NHERF1: variants seen among roughly 807,000 people sequenced by gnomAD.
NHERF1 encodes the protein Na(+)/H(+) exchange regulatory cofactor NHE-RF1.
chr17:74,767,342 C>G, the NHERF1 span, among the ~76,000 whole-genome samples: 1 of 152,194 alleles, frequency 6.6e-6, no homozygotes, highest in African/African-American at 2.4e-5. Context: ...GTTGGAAGAA[C>G]AAAGCCCCTC....
chr17:74,765,301 C>T, the NHERF1 span, among the ~76,000 whole-genome samples: 19 of 152,168 alleles, frequency 1.2e-4, 1 homozygote, highest in African/African-American at 4.6e-4. Flanking sequence ...TGCTCTGTCA[C>T]CCAGGCTGGA....
At chr17:74,760,121 C>T in the NHERF1 span, among the ~76,000 whole-genome samples, 1 of 152,138 alleles carries the variant, frequency 6.6e-6, no homozygotes, top group African/African-American at 2.4e-5. This position sits in a 1 kb window ranked among gnomAD's most constrained non-coding sequence, Gnocchi z 4.5. Context: ...CTAGGCGGCC[C>T]GGGGGAGGGC....
chr17:74,766,752 TA>T, the NHERF1 span, among the ~76,000 whole-genome samples: 14 of 151,386 alleles, frequency 9.2e-5, no homozygotes, highest in South Asian at 4.2e-4. Context: ...CCCATCTCTA[TA>T]AAAAAAAAAT....
the NHERF1 span, chr17:74,768,770 T>C: frequency 1.2e-6 from 1 of 851,058 alleles, no homozygotes; most frequent in Middle Eastern, 2.3e-4. Context: ...CCACATCCCC[T>C]TTCTTGACAA....
At chr17:74,754,168 TAAAA>T in the NHERF1 span, among the ~76,000 whole-genome samples, 1 of 145,296 alleles carries the variant, frequency 6.9e-6, no homozygotes, top group Non-Finnish European at 1.5e-5. Context: ...ATCTCCAAAA[TAAAA>T]AAAAAAGAAA....
At chr17:74,754,438 T>G in the NHERF1 span, among the ~76,000 whole-genome samples, 1 of 147,048 alleles carries the variant, frequency 6.8e-6, no homozygotes, top group South Asian at 2.2e-4. Context: ...AGTCTTGCTC[T>G]GTTGCCCAGG....
chr17:74,763,199 C>T, the NHERF1 span: 13 of 610,264 alleles, frequency 2.1e-5, no homozygotes, highest in Non-Finnish European at 3.7e-5. Context: ...GGAGGACCCC[C>T]AGCCTAGTTC....
At chr17:74,768,081 T>C in the NHERF1 span, 3 of 1,099,514 alleles carry the variant, frequency 2.7e-6, no homozygotes, top group Non-Finnish European at 4.2e-6. Flanking sequence ...CCCCAGGAGC[T>C]CCCTCCCTCC....
the NHERF1 span, chr17:74,768,129 C>T: frequency 6.3e-7 from 1 of 1,576,588 alleles, no homozygotes; most frequent in South Asian, 1.1e-5. Flanking sequence ...CAACCCACAA[C>T]CCTCTCCTCT....
chr17:74,763,561 C>T, the NHERF1 span: 12 of 1,554,350 alleles, frequency 7.7e-6, no homozygotes, highest in Non-Finnish European at 1.0e-5. Flanking sequence ...GGGCTGGAGC[C>T]CCCCAAGTCA....
At chr17:74,758,889 TC>T in the NHERF1 span, among the ~76,000 whole-genome samples, 2 of 152,040 alleles carry the variant, frequency 1.3e-5, no homozygotes, top group South Asian at 4.1e-4. This position sits in a 1 kb window ranked among gnomAD's most constrained non-coding sequence, Gnocchi z 4.3. Flanking sequence ...GCCCCACAGA[TC>T]CCCAGGGGGG....
chr17:74,751,564 G>T, the NHERF1 span, among the ~76,000 whole-genome samples: 1 of 152,252 alleles, frequency 6.6e-6, no homozygotes, highest in African/African-American at 2.4e-5. This position sits in a 1 kb window ranked among gnomAD's most constrained non-coding sequence, Gnocchi z 4.3. Context: ...GCTGAGGGGT[G>T]CCTGTAACAC....
the NHERF1 span, among the ~76,000 whole-genome samples, chr17:74,752,119 C>G: frequency 6.6e-6 from 1 of 152,242 alleles, no homozygotes; most frequent in East Asian, 1.9e-4. Flanking sequence ...AGTGCCTGAT[C>G]GATGGTCACT....
At chr17:74,758,220 C>T in the NHERF1 span, among the ~76,000 whole-genome samples, 5 of 152,328 alleles carry the variant, frequency 3.3e-5, no homozygotes, top group Admixed American at 3.3e-4. The surrounding 1 kb of genome is among the most constrained non-coding windows in gnomAD (Gnocchi z 4.3). Context: ...TATTGAATTC[C>T]GTGCCCGCCA....
chr17:74,763,995 T>G, the NHERF1 span, among the ~76,000 whole-genome samples: 3 of 152,146 alleles, frequency 2.0e-5, no homozygotes, highest in Non-Finnish European at 2.9e-5. Flanking sequence ...TTGCTGGCTC[T>G]AGAGAGTAGT....
At chr17:74,768,331 C>A in the NHERF1 span, 2 of 1,370,782 alleles carry the variant, frequency 1.5e-6, no homozygotes, top group Non-Finnish European at 2.1e-6. Context: ...TTTGAGGTCA[C>A]ATGCTGAGCC....
At chr17:74,752,760 C>G in the NHERF1 span, among the ~76,000 whole-genome samples, 1 of 152,222 alleles carries the variant, frequency 6.6e-6, no homozygotes, top group Admixed American at 6.5e-5. Flanking sequence ...TCCGCCTCCT[C>G]TTTGTCCTTA....
the NHERF1 span, among the ~76,000 whole-genome samples, chr17:74,759,615 G>A: frequency 8.5e-5 from 13 of 152,216 alleles, no homozygotes; most frequent in African/African-American, 2.7e-4. Flanking sequence ...GGCCCTGAGC[G>A]CCCGGAAGGA....
the NHERF1 span, among the ~76,000 whole-genome samples, chr17:74,765,912 G>A: frequency 2.6e-5 from 4 of 151,970 alleles, no homozygotes; most frequent in Non-Finnish European, 5.9e-5. Context: ...TCCAATTTTG[G>A]TGTCATCATC....
Sources: allele counts gnomAD v4.1 joint callset (sites outside exome capture counted in the v4.1 genomes callset), GRCh38; gene constraint gnomAD v4.1.1; non-coding constraint Gnocchi (gnomAD v3.1); transcripts MANE v1.5; gene names NCBI Gene and HGNC (gene_info 2026-07-23, HGNC 2026-07-21).